OLA1: variants seen among roughly 807,000 people sequenced by gnomAD.
The protein encoded by OLA1 is obg-like ATPase 1.
Under a neutral mutation model 48.4 loss-of-function variants are expected in OLA1, and 14 were observed. The observed-to-expected ratio is 0.29, with a 90% CI of 0.19 to 0.45. The LOEUF (loss-of-function observed/expected upper bound fraction) is 0.45. Ranked by LOEUF, OLA1 falls within the 20% of genes least tolerant of loss-of-function variation. The pLI is 1.00. For synonymous variants in OLA1, 127 were observed against 150.4 expected (o/e 0.84, Z 1.14); for missense variants, 325 against 467.1 (o/e 0.70, Z 2.80).
intron 4 of OLA1, among the ~76,000 whole-genome samples, chr2:174,170,921 G>A (rs1687285587): frequency 1.3e-5 from 2 of 152,042 alleles, no homozygotes; most frequent in African/African-American, 2.4e-5. Context: ...AAACAAACAC[G>A]GATAGGTTGA....
intron 4 of OLA1, among the ~76,000 whole-genome samples, chr2:174,192,973 C>T (rs1243974408): frequency 6.6e-6 from 1 of 151,800 alleles, no homozygotes; most frequent in Non-Finnish European, 1.5e-5. Flanking sequence ...CGTGTGTAAG[C>T]GTATGTGTGT....
At chr2:174,151,723 G>A (rs189128964) in intron 4 of OLA1, among the ~76,000 whole-genome samples, 103 of 152,326 alleles carry the variant, frequency 6.8e-4, no homozygotes, top group Admixed American at 1.2e-3. Context: ...AGAGAAGGGA[G>A]AGAGCTAAAC....
At chr2:174,194,463 TAGTC>T (rs1329727912) in intron 4 of OLA1, among the ~76,000 whole-genome samples, 1 of 152,174 alleles carries the variant, frequency 6.6e-6, no homozygotes, top group Admixed American at 6.5e-5. Flanking sequence ...ATTTTAAAGT[TAGTC>T]AGGCTCTTTT....
intron 2 of OLA1, among the ~76,000 whole-genome samples, chr2:174,237,038 T>C (rs917766800): frequency 6.6e-6 from 1 of 152,192 alleles, no homozygotes; most frequent in Non-Finnish European, 1.5e-5. Flanking sequence ...ACCAATACTT[T>C]TTACTTTATC....
chr2:174,244,500 T>G (rs913773758), intron 2 of OLA1, among the ~76,000 whole-genome samples: 3 of 152,230 alleles, frequency 2.0e-5, no homozygotes, highest in Non-Finnish European at 2.9e-5. Flanking sequence ...GGTTCTAAGA[T>G]TCCAGCAGAT....
chr2:174,207,114 C>G (rs972874544), intron 4 of OLA1, among the ~76,000 whole-genome samples: 1 of 152,110 alleles, frequency 6.6e-6, no homozygotes, highest in African/African-American at 2.4e-5. Flanking sequence ...TAAACAACAC[C>G]TAACTTAACC....
intron 9 of OLA1, 125 bp downstream of exon 9, chr2:174,081,027 T>C: frequency 1.3e-6 from 1 of 747,166 alleles, no homozygotes; most frequent in African/African-American, 1.8e-5. Flanking sequence ...AAAGTTATCC[T>C]GGACAAAAAC....
intron 7 of OLA1, among the ~76,000 whole-genome samples, chr2:174,116,451 C>T (rs1685785138): frequency 6.6e-6 from 1 of 152,180 alleles, no homozygotes; most frequent in African/African-American, 2.4e-5. Flanking sequence ...TGCCAATTCA[C>T]TTTGCTCTTA....
chr2:174,117,624 A>C (rs189915756), intron 7 of OLA1, among the ~76,000 whole-genome samples: 3 of 152,302 alleles, frequency 2.0e-5, no homozygotes, highest in Admixed American at 2.0e-4. Context: ...GTGTCTGGGG[A>C]ACATGCTGCA....
At chr2:174,197,275 A>G (rs1687898203) in intron 4 of OLA1, among the ~76,000 whole-genome samples, 1 of 152,180 alleles carries the variant, frequency 6.6e-6, no homozygotes, top group South Asian at 2.1e-4. Context: ...AGGCCTAATT[A>G]ACTGCAGTGT....
chr2:174,120,626 T>C (rs1685894409), intron 7 of OLA1, among the ~76,000 whole-genome samples: 1 of 152,184 alleles, frequency 6.6e-6, no homozygotes, highest in African/African-American at 2.4e-5. Context: ...GCCATTCCAG[T>C]TTTTGCATCT....
chr2:174,200,230 T>C (rs192190472), intron 4 of OLA1, among the ~76,000 whole-genome samples: 1 of 152,064 alleles, frequency 6.6e-6, no homozygotes, highest in African/African-American at 2.4e-5. Context: ...ATTTTAAAAG[T>C]TTTAGAGTCT....
chr2:174,114,716 T>G (rs938820109), intron 7 of OLA1, among the ~76,000 whole-genome samples: 6 of 152,146 alleles, frequency 3.9e-5, no homozygotes, highest in African/African-American at 1.2e-4. Context: ...TGACAAATAT[T>G]TAAAGTACTG....
intron 4 of OLA1, among the ~76,000 whole-genome samples, chr2:174,215,047 C>CA (rs527994410): frequency 0.017 from 1,839 of 109,584 alleles, 11 homozygotes; most frequent in Middle Eastern, 0.039. Context: ...GAGACTATCT[C>CA]AAAAAAAAAA....
intron 5 of OLA1, among the ~76,000 whole-genome samples, chr2:174,134,249 G>C (rs900955530): frequency 6.6e-6 from 1 of 152,180 alleles, no homozygotes; most frequent in African/African-American, 2.4e-5. Context: ...TAGAGAAACT[G>C]TCAAACTCAT....
At chr2:174,084,240 G>A (rs1249071451) in intron 7 of OLA1, among the ~76,000 whole-genome samples, 1 of 152,322 alleles carries the variant, frequency 6.6e-6, no homozygotes, top group Non-Finnish European at 1.5e-5. Flanking sequence ...CATTTTAGCA[G>A]TAAATGAGCA....
intron 4 of OLA1, among the ~76,000 whole-genome samples, chr2:174,176,589 C>T (rs1687423339): frequency 6.6e-6 from 1 of 151,994 alleles, no homozygotes; most frequent in South Asian, 2.1e-4. Context: ...TCTCAATGAC[C>T]AGGGGCTTTT....
chr2:174,214,715 G>A (rs913774250), intron 4 of OLA1, among the ~76,000 whole-genome samples: 1 of 152,132 alleles, frequency 6.6e-6, no homozygotes, highest in Admixed American at 6.5e-5. Flanking sequence ...CTGCCCGTTA[G>A]TTCAAAATTT....
intron 4 of OLA1, chr2:174,171,974 C>T (rs781608420): frequency 3.2e-5 from 5 of 156,550 alleles, no homozygotes; most frequent in African/African-American, 4.8e-5. Context: ...CGGTCTCCAG[C>T]TGGGACAACA....
Sources: gnomAD v4.1 joint callset for allele counts (sites outside exome capture counted in the v4.1 genomes callset) on GRCh38, gnomAD v4.1.1 for gene constraint, MANE v1.5 for transcripts, NCBI Gene and HGNC (gene_info 2026-07-23, HGNC 2026-07-21) for gene names.